CADPS2: variants seen among roughly 807,000 people sequenced by gnomAD.
CADPS2 encodes the protein calcium dependent secretion activator 2.
In CADPS2, 93 loss-of-function variants were observed where a neutral mutation model predicts 172.5. That is an observed-to-expected ratio of 0.54 (90% CI 0.46 to 0.64). The LOEUF is 0.64. CADPS2 is among the 30% of genes least tolerant of loss of function. The pLI is 0.00. For synonymous variants in CADPS2, 546 were observed against 555.2 expected (o/e 0.98, Z 0.23); for missense variants, 1,420 against 1,565.9 (o/e 0.91, Z 1.57).
intron 17 of CADPS2, among the ~76,000 whole-genome samples, chr7:122,417,337 A>G (rs1284430552): frequency 2.0e-5 from 3 of 152,170 alleles, no homozygotes; most frequent in Non-Finnish European, 4.4e-5. Flanking sequence ...TACACTTCCT[A>G]CTATATTCCC....
intron 6 of CADPS2, among the ~76,000 whole-genome samples, chr7:122,590,884 G>A (rs1326282932): frequency 6.6e-6 from 1 of 151,672 alleles, no homozygotes; most frequent in Non-Finnish European, 1.5e-5. Flanking sequence ...TATACAGCAA[G>A]TTTTAAACTC....
chr7:122,478,306 G>A (rs949217637), intron 12 of CADPS2, among the ~76,000 whole-genome samples: 1 of 152,126 alleles, frequency 6.6e-6, no homozygotes, highest in African/African-American at 2.4e-5. Flanking sequence ...GAAACAATAT[G>A]ACAACTATCA....
chr7:122,768,977 G>A (rs184564863), intron 1 of CADPS2, among the ~76,000 whole-genome samples: 2 of 151,708 alleles, frequency 1.3e-5, no homozygotes, highest in Admixed American at 6.6e-5. Context: ...AGAAAGAAAC[G>A]GTCACAGCTG....
chr7:122,541,847 TCATATATATTTA>T (rs1563649096), intron 8 of CADPS2, among the ~76,000 whole-genome samples: 21,829 of 124,114 alleles, frequency 0.18, 2,876 homozygotes, highest in Non-Finnish European at 0.27. Context: ...GTTTATATAT[TCATATATATTTA>T]TATATATGCA....
intron 1 of CADPS2, among the ~76,000 whole-genome samples, chr7:122,851,433 T>C (rs1211512252): frequency 6.6e-6 from 1 of 152,174 alleles, no homozygotes; most frequent in Non-Finnish European, 1.5e-5. Flanking sequence ...AGTTCAGCTA[T>C]CAATTATGCT....
chr7:122,365,568 G>A (rs907232086), intron 25 of CADPS2, among the ~76,000 whole-genome samples: 1 of 152,146 alleles, frequency 6.6e-6, no homozygotes, highest in Non-Finnish European at 1.5e-5. Context: ...ACTGCTTCCT[G>A]TGAACTTTCT....
intron 15 of CADPS2, among the ~76,000 whole-genome samples, chr7:122,442,042 A>T (rs1469445343): frequency 6.6e-6 from 1 of 152,152 alleles, no homozygotes; most frequent in Non-Finnish European, 1.5e-5. Flanking sequence ...GTCTACCATG[A>T]TGTCTAATTT....
intron 20 of CADPS2, among the ~76,000 whole-genome samples, chr7:122,407,179 T>A (rs893212020): frequency 1.3e-5 from 2 of 152,160 alleles, no homozygotes; most frequent in African/African-American, 4.8e-5. Context: ...TCTACAATAA[T>A]GAATTATTAA....
intron 1 of CADPS2, among the ~76,000 whole-genome samples, chr7:122,868,797 G>C (rs2428775): frequency 6.6e-6 from 1 of 152,220 alleles, no homozygotes; most frequent in Admixed American, 6.5e-5. Flanking sequence ...AAAGATGCTC[G>C]CTAAAGTAAG....
chr7:122,730,043 T>A (rs187720314), intron 2 of CADPS2, among the ~76,000 whole-genome samples: 6 of 151,780 alleles, frequency 4.0e-5, no homozygotes. Flanking sequence ...GTAAGAAACT[T>A]ACAAAAAATT....
intron 2 of CADPS2, among the ~76,000 whole-genome samples, chr7:122,697,436 C>T (rs1369897175): frequency 6.6e-6 from 1 of 152,062 alleles, no homozygotes; most frequent in African/African-American, 2.4e-5. Flanking sequence ...GAACATATTA[C>T]ATATCAGTAA....
chr7:122,591,087 C>A (rs1052267859), intron 6 of CADPS2, among the ~76,000 whole-genome samples: 1 of 151,928 alleles, frequency 6.6e-6, no homozygotes, highest in African/African-American at 2.4e-5. Flanking sequence ...TTAGAAAACC[C>A]CATCATCACA....
intron 15 of CADPS2, 125 bp downstream of exon 15, chr7:122,451,249 C>T: frequency 2.3e-6 from 1 of 440,140 alleles, no homozygotes; most frequent in Non-Finnish European, 4.0e-6. Context: ...CCTTACCCTG[C>T]AGGCAAGGGA....
chr7:122,705,869 T>TAATATAATATAATAA (rs2087132128), intron 2 of CADPS2, among the ~76,000 whole-genome samples: 1 of 5,204 alleles, frequency 1.9e-4, no homozygotes, highest in African/African-American at 5.2e-4. Flanking sequence ...ATACATATTA[T>TAATATAATATAATAA]ATATAATATA....
intron 17 of CADPS2, among the ~76,000 whole-genome samples, chr7:122,435,862 GC>G (rs1207132411): frequency 6.6e-6 from 1 of 151,980 alleles, no homozygotes; most frequent in Non-Finnish European, 1.5e-5. Context: ...AGTAAAATAA[GC>G]CAGTCACAGT....
rs2041033239 is a variant in CADPS2 at position 122,367,236 on chromosome 7, CT to C, written c.3388-6224del. ...CAGTCAGATCAGATTTATCTTCTAT[CT>C]ATCCTATTCTTAAGAGAAATCCAGG... On this transcript the variant is annotated intron_variant, in intron 25 of 29. Transcript: ENST00000449022. Among the ~76,000 whole-genome samples the C allele has an allele frequency of 1.3e-5, 2 of 152,034 alleles. 1 individual carries two copies.
intron 2 of CADPS2, among the ~76,000 whole-genome samples, chr7:122,677,451 G>A (rs1009614659): frequency 5.3e-5 from 8 of 152,184 alleles, no homozygotes; most frequent in Admixed American, 1.3e-4. Flanking sequence ...TGAGGAGGAC[G>A]GGTGGGCTTT....
intron 25 of CADPS2, among the ~76,000 whole-genome samples, chr7:122,375,595 C>T (rs1483934778): frequency 6.6e-6 from 1 of 151,994 alleles, no homozygotes; most frequent in East Asian, 1.9e-4. Flanking sequence ...ATCAACAAAA[C>T]CATCAACTAA....
chr7:122,598,788 A>G (rs1433138052), intron 6 of CADPS2, among the ~76,000 whole-genome samples: 3 of 152,126 alleles, frequency 2.0e-5, no homozygotes, highest in Non-Finnish European at 4.4e-5. Context: ...TGCTTCATCA[A>G]ATAAAGGTTA....
Sources: allele counts gnomAD v4.1 joint callset (sites outside exome capture counted in the v4.1 genomes callset), GRCh38; gene constraint gnomAD v4.1.1; transcripts MANE v1.5; gene names NCBI Gene and HGNC (gene_info 2026-07-23, HGNC 2026-07-21).